GALNT13: variants seen among roughly 807,000 people sequenced by gnomAD.
The protein encoded by GALNT13 is polypeptide N-acetylgalactosaminyltransferase 13.
A neutral mutation model predicts 64.2 loss-of-function variants in GALNT13; 28 were observed. The observed-to-expected ratio is 0.44, with a 90% CI of 0.32 to 0.60. The LOEUF is 0.60. GALNT13 is among the 20% of genes least tolerant of loss of function. The pLI, the probability that GALNT13 is intolerant of heterozygous loss-of-function variation, is 0.05. For missense variants in GALNT13, 577 were observed against 669.8 expected (o/e 0.86, Z 1.53); for synonymous variants, 214 against 224.6 (o/e 0.95, Z 0.42).
the GALNT13 span, among the ~76,000 whole-genome samples, chr2:153,661,651 A>G: frequency 6.6e-6 from 1 of 152,182 alleles, no homozygotes; most frequent in Non-Finnish European, 1.5e-5. Context: ...TGCATAATTT[A>G]TATCTTGCTT....
chr2:154,047,909 C>A (rs1396709854), intron 3 of GALNT13, among the ~76,000 whole-genome samples: 1 of 152,122 alleles, frequency 6.6e-6, no homozygotes, highest in Non-Finnish European at 1.5e-5. Flanking sequence ...GCCTCCTCAC[C>A]CAAGTTGTGA....
intron 1 of GALNT13, among the ~76,000 whole-genome samples, chr2:153,891,706 G>C (rs556040003): frequency 6.6e-6 from 1 of 152,082 alleles, no homozygotes; most frequent in South Asian, 2.1e-4. Context: ...ACTCTACATT[G>C]TCAATAGAGG....
chr2:153,914,008 G>T (rs1689160756), intron 2 of GALNT13, among the ~76,000 whole-genome samples: 1 of 152,130 alleles, frequency 6.6e-6, no homozygotes, highest in Admixed American at 6.5e-5. Context: ...ATAGTAGATT[G>T]TAAACTCATT....
At chr2:153,976,495 A>G (rs1244182933) in intron 3 of GALNT13, among the ~76,000 whole-genome samples, 2 of 152,130 alleles carry the variant, frequency 1.3e-5, no homozygotes, top group African/African-American at 4.8e-5. Context: ...CTTCCAAGCC[A>G]ATTAGGTATT....
chr2:153,544,374 T>C, the GALNT13 span, among the ~76,000 whole-genome samples: 3 of 152,216 alleles, frequency 2.0e-5, no homozygotes, highest in African/African-American at 4.8e-5. Flanking sequence ...CTCATGTCTG[T>C]GGGAACTGGT....
chr2:154,431,223 T>C (rs1700696086), intron 11 of GALNT13, among the ~76,000 whole-genome samples: 1 of 152,166 alleles, frequency 6.6e-6, no homozygotes, highest in South Asian at 2.1e-4. Flanking sequence ...CCTGAGATCT[T>C]TGCAGAAAGA....
At chr2:153,120,879 G>A in the GALNT13 span, among the ~76,000 whole-genome samples, 1 of 152,124 alleles carries the variant, frequency 6.6e-6, no homozygotes, top group East Asian at 1.9e-4. Flanking sequence ...AGCCAAACGT[G>A]ATGTATCTAG....
chr2:154,022,311 C>A (rs1290038554), intron 3 of GALNT13, among the ~76,000 whole-genome samples: 4 of 152,062 alleles, frequency 2.6e-5, no homozygotes, highest in East Asian at 1.9e-4. Context: ...TGGTAGAATT[C>A]GGCTGTGAAT....
intron 3 of GALNT13, among the ~76,000 whole-genome samples, chr2:154,039,157 G>C (rs772463380): frequency 6.6e-6 from 1 of 152,056 alleles, no homozygotes; most frequent in Admixed American, 6.6e-5. Context: ...TACTCCATTG[G>C]TGGGAACATC....
At chr2:153,214,987 T>A in the GALNT13 span, among the ~76,000 whole-genome samples, 2 of 152,094 alleles carry the variant, frequency 1.3e-5, no homozygotes, top group African/African-American at 4.8e-5. Flanking sequence ...TTAGAATGAG[T>A]TTGAATCCCC....
At chr2:154,082,512 T>C (rs142291667) in intron 3 of GALNT13, among the ~76,000 whole-genome samples, 2 of 151,784 alleles carry the variant, frequency 1.3e-5, no homozygotes. Flanking sequence ...TCTATTGTGA[T>C]GAATATTATG....
chr2:153,121,730 C>T, the GALNT13 span, among the ~76,000 whole-genome samples: 8 of 152,092 alleles, frequency 5.3e-5, no homozygotes, highest in African/African-American at 1.7e-4. Flanking sequence ...GACAGGGTTT[C>T]ACCATGTTGG....
At chr2:154,321,974 C>G (rs945333077) in intron 9 of GALNT13, among the ~76,000 whole-genome samples, 1 of 151,612 alleles carries the variant, frequency 6.6e-6, no homozygotes, top group African/African-American at 2.4e-5. Context: ...TGAAATTATT[C>G]CTAGGTATAT....
At chr2:154,198,579 A>T (rs1687003321) in intron 4 of GALNT13, among the ~76,000 whole-genome samples, 1 of 151,978 alleles carries the variant, frequency 6.6e-6, no homozygotes, top group Non-Finnish European at 1.5e-5. Flanking sequence ...AAATGATTGT[A>T]ACTTCTTTAA....
chr2:154,362,038 T>A (rs6435165), intron 9 of GALNT13, among the ~76,000 whole-genome samples: 9,907 of 151,834 alleles, frequency 0.065, 323 homozygotes, highest in East Asian at 0.11. Context: ...TGGAATCAGC[T>A]CTAACTAAGC....
intron 11 of GALNT13, among the ~76,000 whole-genome samples, chr2:154,413,993 T>C (rs1420198327): frequency 6.6e-6 from 1 of 152,052 alleles, no homozygotes; most frequent in African/African-American, 2.4e-5. Flanking sequence ...GGACACATTT[T>C]TAATGGATAA....
chr2:153,163,343 G>C, the GALNT13 span, among the ~76,000 whole-genome samples: 4 of 152,198 alleles, frequency 2.6e-5, no homozygotes, highest in East Asian at 7.7e-4. Context: ...TTTGGTGTGT[G>C]TGCCCATTCT....
At chr2:153,492,558 C>G in the GALNT13 span, among the ~76,000 whole-genome samples, 47 of 152,312 alleles carry the variant, frequency 3.1e-4, 1 homozygote, top group African/African-American at 1.1e-3. Flanking sequence ...AGCTACATCT[C>G]CTTTCAAAGT....
chr2:154,445,874 G>A (rs1357712143), intron 12 of GALNT13: 4 of 1,243,892 alleles, frequency 3.2e-6, no homozygotes, highest in Non-Finnish European at 4.2e-6. Flanking sequence ...GGCTTTCCTG[G>A]AGCTTATGTT....
Sources: allele counts gnomAD v4.1 joint callset (sites outside exome capture counted in the v4.1 genomes callset), GRCh38; gene constraint gnomAD v4.1.1; transcripts MANE v1.5; gene names NCBI Gene and HGNC (gene_info 2026-07-23, HGNC 2026-07-21).